Variants in PACRG observed in about 807,000 individuals in gnomAD.
PACRG encodes the protein parkin coregulated, also known as parkin coregulated gene protein.
In PACRG, 29 loss-of-function variants were observed where a neutral mutation model predicts 29.7. The observed-to-expected ratio is 0.98, with a 90% confidence interval of 0.73 to 1.33. The LOEUF (loss-of-function observed/expected upper bound fraction) is 1.33, where lower values mean the gene tolerates loss of function less well. Among genes scored for constraint, PACRG ranks in the 40% most tolerant of loss-of-function variants. The pLI is 0.00. For synonymous variants in PACRG, 116 were observed against 118.7 expected (o/e 0.98, Z 0.15); for missense variants, 279 against 316.2 (o/e 0.88, Z 0.89).
chr6:163,292,602 A>ATTTAT (rs35254999), intron 4 of PACRG, among the ~76,000 whole-genome samples: 2 of 150,038 alleles, frequency 1.3e-5, no homozygotes, highest in Admixed American at 6.6e-5. Context: ...TTATTTATTT[A>ATTTAT]TTAGTAGAGA....
In PACRG at chr6:163,269,774, C is replaced by CAGAAATAA. The variant is rs1335566974; in HGVS notation, c.614-45050_614-45049insAATAAAGA. Among the ~76,000 whole-genome samples, 51 of 99,064 alleles carry CAGAAATAA rather than the reference C, an allele frequency of 5.1e-4. 2 individuals are homozygous for CAGAAATAA. The highest frequency in any genetic ancestry group is 2.0e-3 in the African/African-American group (50 of 25,542). 65.0% of individuals were successfully genotyped at this position (99,064 alleles called of 152,430 possible). On this transcript the variant is annotated intron_variant, in intron 4 of 4. Coordinates refer to ENST00000366888, the MANE Select transcript of PACRG (RefSeq NM_001080379.2). ...AAAGAGAGAGAGAGAGACAGACAGA[C>CAGAAATAA]AGACAGACAGAAAGAAAGAAAGGAA...
At chr6:162,799,512 T>G (rs964498891) in intron 1 of PACRG, among the ~76,000 whole-genome samples, 14 of 152,174 alleles carry the variant, frequency 9.2e-5, no homozygotes, top group Admixed American at 4.6e-4. Flanking sequence ...TTTCTTGCTT[T>G]CTTTATTATT....
At chr6:162,920,327 T>C in intron 2 of PACRG, among the ~76,000 whole-genome samples, 1 of 152,110 alleles carries the variant, frequency 6.6e-6, no homozygotes, top group East Asian at 1.9e-4. Context: ...AGGATTGCTA[T>C]GAAAATTTAA....
At chr6:162,769,682 A>G (rs1783063956) in intron 1 of PACRG, among the ~76,000 whole-genome samples, 2 of 151,934 alleles carry the variant, frequency 1.3e-5, no homozygotes, top group Admixed American at 6.6e-5. Context: ...TCTTTACCTT[A>G]GCTCTGAATG....
chr6:162,890,565 C>T (rs563677970), intron 2 of PACRG, among the ~76,000 whole-genome samples: 9 of 152,304 alleles, frequency 5.9e-5, no homozygotes, highest in African/African-American at 9.6e-5. Context: ...CTAATGGTTT[C>T]GCTCACACTC....
intron 2 of PACRG, among the ~76,000 whole-genome samples, chr6:162,850,689 C>G (rs1421093483): frequency 6.6e-6 from 1 of 152,190 alleles, no homozygotes; most frequent in East Asian, 1.9e-4. Flanking sequence ...CACCCTTTCC[C>G]CCATATCTTG....
chr6:162,787,619 T>TATAC (rs1784609130), intron 1 of PACRG, among the ~76,000 whole-genome samples: 1 of 138,088 alleles, frequency 7.2e-6, no homozygotes, highest in African/African-American at 2.6e-5. Flanking sequence ...TATATATATA[T>TATAC]ATGGTTGTCC....
chr6:162,914,160 C>T (rs923826563), intron 2 of PACRG, among the ~76,000 whole-genome samples: 4 of 151,952 alleles, frequency 2.6e-5, no homozygotes, highest in African/African-American at 9.7e-5. Flanking sequence ...ATCTCCTATG[C>T]TTTGTTTGTC....
At chr6:163,108,396 T>A (rs1815511501) in intron 4 of PACRG, among the ~76,000 whole-genome samples, 1 of 127,248 alleles carries the variant, frequency 7.9e-6, no homozygotes, top group African/African-American at 2.9e-5. Context: ...CTTTCCCTTT[T>A]TTTTTTTTTT....
intron 4 of PACRG, among the ~76,000 whole-genome samples, chr6:163,113,514 C>A (rs9456835): frequency 0.044 from 6,741 of 152,184 alleles, 491 homozygotes; most frequent in African/African-American, 0.15. Flanking sequence ...GGACTCATCA[C>A]GTATACAGAA....
Position 162,947,356 on chromosome 6 carries a change from T to TGA in PACRG, c.292-114794_292-114793insGA, listed in dbSNP as rs368100837. Reference sequence around the variant, plus strand: ...ATCATATATATAATGATTACATATATATAATGTAATCATATATAATCATAT... The same window carrying TGA: ...ATCATATATATAATGATTACATATATGAATAATGTAATCATATATAATCATAT... On this transcript the variant is annotated intron_variant, in intron 2 of 4. Coordinates refer to ENST00000366888, the MANE Select transcript of PACRG (RefSeq NM_001080379.2). Among the ~76,000 whole-genome samples the TGA allele has an allele frequency of 4.2e-4, 38 of 91,414 alleles. 3 individuals are homozygous for TGA. The highest frequency in any genetic ancestry group is 1.6e-3 in the African/African-American group (38 of 23,306). The allele number at this position is 91,414 out of a possible 152,430, so 60.0% of individuals were successfully genotyped here. A position where few individuals can be genotyped will look rare whatever the true frequency, so the allele number is the denominator to read the frequency against.
At chr6:163,124,126 T>G (rs2128326290) in intron 4 of PACRG, among the ~76,000 whole-genome samples, 1 of 152,374 alleles carries the variant, frequency 6.6e-6, no homozygotes. Flanking sequence ...CTTTGCATGT[T>G]GTAATTGTGT....
At chr6:163,247,244 A>G (rs1237164481) in intron 4 of PACRG, among the ~76,000 whole-genome samples, 1 of 152,232 alleles carries the variant, frequency 6.6e-6, no homozygotes, top group African/African-American at 2.4e-5. Flanking sequence ...AAGAAATGCT[A>G]GTGTAAATAT....
chr6:163,239,859 C>T (rs1251545059), intron 4 of PACRG, among the ~76,000 whole-genome samples: 1 of 142,958 alleles, frequency 7.0e-6, no homozygotes, highest in Non-Finnish European at 1.5e-5. Flanking sequence ...CACTCTCACA[C>T]TCCCACCCCG....
intron 1 of PACRG, among the ~76,000 whole-genome samples, chr6:162,768,476 G>A (rs1296810206): frequency 6.6e-6 from 1 of 151,860 alleles, no homozygotes; most frequent in Non-Finnish European, 1.5e-5. Flanking sequence ...ATTATTTATT[G>A]CATTTGGGGA....
At chr6:163,196,948 TAGATAGATAGATAGATAGATAGAG>T (rs1052946673) in intron 4 of PACRG, among the ~76,000 whole-genome samples, 6 of 151,362 alleles carry the variant, frequency 4.0e-5, no homozygotes, top group African/African-American at 1.2e-4. Flanking sequence ...GATAGATAGA[TAGATAGATAGATAGATAGATAGAG>T]GCGGACAGAC....
intron 1 of PACRG, among the ~76,000 whole-genome samples, chr6:162,795,427 C>T (rs545355326): frequency 6.6e-6 from 1 of 152,242 alleles, no homozygotes; most frequent in East Asian, 1.9e-4. Flanking sequence ...AATGAATCGT[C>T]CATGTTTCCC....
chr6:162,755,578 G>A (rs1023636579), intron 1 of PACRG, among the ~76,000 whole-genome samples: 1 of 152,100 alleles, frequency 6.6e-6, no homozygotes, highest in African/African-American at 2.4e-5. Context: ...TGGGATTACA[G>A]GCACCCGCCA....
intron 2 of PACRG, among the ~76,000 whole-genome samples, chr6:162,943,524 G>A (rs562761646): frequency 6.6e-6 from 1 of 152,250 alleles, no homozygotes; most frequent in African/African-American, 2.4e-5. Flanking sequence ...TCAGTAGCAG[G>A]GCCGCAGTGC....
Sources: allele counts gnomAD v4.1 joint callset (sites outside exome capture counted in the v4.1 genomes callset), GRCh38; gene constraint gnomAD v4.1.1; transcripts MANE v1.5; gene names NCBI Gene and HGNC (gene_info 2026-07-23, HGNC 2026-07-21).